Variants in KIF6 observed in about 807,000 individuals in gnomAD.
The protein encoded by KIF6 is kinesin-like protein KIF6.
Under a neutral mutation model 112.7 loss-of-function variants are expected in KIF6, and 106 were observed. That is an observed-to-expected ratio of 0.94 (90% CI 0.80 to 1.11). KIF6 has a LOEUF of 1.11. Ranked by LOEUF, KIF6 falls within the 50% of genes least tolerant of loss-of-function variation. The probability of loss-of-function intolerance (pLI) is 0.00; values close to 1 mark genes in which losing one functional copy is unlikely to be tolerated. For missense variants in KIF6, 929 were observed against 964.0 expected, an observed-to-expected ratio of 0.96 and a Z score of 0.48; for synonymous variants, 339 against 339.9, an observed-to-expected ratio of 1.00 and a Z score of 0.03.
intron 15 of KIF6, 117 bp downstream of exon 15, chr6:39,419,831 G>A (rs2150364140): frequency 1.2e-6 from 1 of 868,502 alleles, no homozygotes; most frequent in East Asian, 2.4e-5. Context: ...TTCCTTGGCA[G>A]GGGCTCTCCT....
At chr6:39,455,002 C>A (rs1186834084) in intron 13 of KIF6, among the ~76,000 whole-genome samples, 1 of 150,424 alleles carries the variant, frequency 6.6e-6, no homozygotes, top group Non-Finnish European at 1.5e-5. Flanking sequence ...GAAGCTCGAA[C>A]TGGGTGGAGC....
chr6:39,437,491 C>T (rs1024532236), intron 13 of KIF6, among the ~76,000 whole-genome samples: 5 of 152,172 alleles, frequency 3.3e-5, no homozygotes, highest in African/African-American at 1.2e-4. Context: ...GCTTTAGATG[C>T]TTAACGTCTT....
chr6:39,412,510 C>T lies in KIF6; in HGVS notation c.1810+7438G>A, dbSNP rs535370224. Among the ~76,000 whole-genome samples, 8 of 152,290 alleles carry T rather than the reference C, an allele frequency of 5.3e-5. No individual in the cohort carries two copies. The East Asian group carries it at 1.2e-3, about 22-fold the overall frequency. On this transcript the variant is annotated intron_variant, in intron 15 of 22. Coordinates refer to ENST00000287152, the MANE Select transcript of KIF6 (RefSeq NM_145027.6). ...TCAATACAATTGCAAATTATTTCTT[C>T]CTTTTTGGAGTCTCTTTAAAGCTGA...
intron 10 of KIF6, among the ~76,000 whole-genome samples, chr6:39,553,227 CT>C (rs1561803874): frequency 6.6e-6 from 1 of 152,096 alleles, no homozygotes; most frequent in African/African-American, 2.4e-5. Flanking sequence ...GGAATGAGCT[CT>C]TTTTTTAAAT....
At chr6:39,442,127 G>A (rs1213494729) in intron 13 of KIF6, among the ~76,000 whole-genome samples, 2 of 152,144 alleles carry the variant, frequency 1.3e-5, no homozygotes, top group East Asian at 3.9e-4. Flanking sequence ...CAGACCACGC[G>A]GGCTGGGTGG....
chr6:39,569,392 G>A (rs1294662322), intron 10 of KIF6, among the ~76,000 whole-genome samples: 1 of 152,014 alleles, frequency 6.6e-6, no homozygotes, highest in East Asian at 1.9e-4. Flanking sequence ...TCATTGGGAT[G>A]GTATATATCA....
chr6:39,587,176 G>C (rs1304316580), intron 7 of KIF6, among the ~76,000 whole-genome samples: 1 of 152,160 alleles, frequency 6.6e-6, no homozygotes, highest in Non-Finnish European at 1.5e-5. Flanking sequence ...CCGAAAGGAG[G>C]CACCTGGGGC....
At chr6:39,472,646 A>T (rs1774185270) in intron 13 of KIF6, among the ~76,000 whole-genome samples, 1 of 152,076 alleles carries the variant, frequency 6.6e-6, no homozygotes, top group Non-Finnish European at 1.5e-5. Context: ...GTGATACTCT[A>T]GTTTTGTTTT....
chr6:39,472,041 C>T (rs1774145468), intron 13 of KIF6, among the ~76,000 whole-genome samples: 1 of 152,170 alleles, frequency 6.6e-6, no homozygotes, highest in Admixed American at 6.5e-5. Context: ...AGGAGCCACC[C>T]TTCCACTCCT....
intron 22 of KIF6, among the ~76,000 whole-genome samples, chr6:39,340,187 T>C (rs894661492): frequency 2.0e-5 from 3 of 152,254 alleles, no homozygotes; most frequent in Non-Finnish European, 2.9e-5. Flanking sequence ...TGGCTTCCTT[T>C]GTGGCCCCGT....
chr6:39,510,266 G>A (rs535548280), intron 13 of KIF6, among the ~76,000 whole-genome samples: 1 of 151,810 alleles, frequency 6.6e-6, no homozygotes, highest in Non-Finnish European at 1.5e-5. Context: ...CTCATTTTTT[G>A]TATTTTTAGT....
At chr6:39,530,163 A>G (rs1236420878) in intron 13 of KIF6, among the ~76,000 whole-genome samples, 1 of 152,196 alleles carries the variant, frequency 6.6e-6, no homozygotes, top group Non-Finnish European at 1.5e-5. Flanking sequence ...CTTTCTATAT[A>G]CACAGCAGGG....
chr6:39,610,437 A>T (rs1312252367), intron 6 of KIF6, among the ~76,000 whole-genome samples: 1 of 152,222 alleles, frequency 6.6e-6, no homozygotes, highest in African/African-American at 2.4e-5. Context: ...TGTTTTGCAA[A>T]TGTTTTCTGG....
intron 13 of KIF6, among the ~76,000 whole-genome samples, chr6:39,432,927 C>G (rs541131825): frequency 3.0e-4 from 45 of 152,178 alleles, no homozygotes; most frequent in African/African-American, 5.8e-4. Context: ...ATTGCTCCCC[C>G]CCGCAGGGGA....
chr6:39,563,349 ATACACATATATTTATCATCTATG>A (rs1402004373), intron 10 of KIF6, among the ~76,000 whole-genome samples: 2 of 152,224 alleles, frequency 1.3e-5, no homozygotes, highest in Non-Finnish European at 2.9e-5. Context: ...AAACACATAT[ATACACATATATTTATCATCTATG>A]TACATAGCAT....
In KIF6 at chr6:39,695,903, C is replaced by T. The variant is rs115925726; in HGVS notation, c.251+18789G>A. On this transcript the variant is annotated intron_variant, in intron 3 of 22. Transcript: ENST00000287152. ...AAAGACATGGAATCAACACAGGTGC[C>T]CATCAACGGTGGACTGGATAAAGAA... 1.9e-3 allele frequency among the ~76,000 whole-genome samples: 296 copies of T among 152,242 alleles called. 2 individuals carry two copies. Among genetic ancestry groups the T allele is most frequent in the Non-Finnish European group, 3.7e-3 (253 of 68,028 alleles).
At chr6:39,662,736 C>G (rs1380837065) in intron 3 of KIF6, among the ~76,000 whole-genome samples, 1 of 152,142 alleles carries the variant, frequency 6.6e-6, no homozygotes, top group Non-Finnish European at 1.5e-5. Context: ...TAATAAAATA[C>G]TCAAACTGAA....
At chr6:39,369,600 T>G (rs1279869038) in intron 16 of KIF6, among the ~76,000 whole-genome samples, 1 of 152,184 alleles carries the variant, frequency 6.6e-6, no homozygotes, top group African/African-American at 2.4e-5. Context: ...TGTCCAAGGT[T>G]GTCCCCCAGG....
chr6:39,396,832 C>T (rs1768308317), intron 15 of KIF6, among the ~76,000 whole-genome samples: 1 of 152,170 alleles, frequency 6.6e-6, no homozygotes, highest in Non-Finnish European at 1.5e-5. Context: ...GTGGGTGGCT[C>T]TGATTACAAA....
Sources: gnomAD v4.1 joint callset for allele counts (sites outside exome capture counted in the v4.1 genomes callset) on GRCh38, gnomAD v4.1.1 for gene constraint, MANE v1.5 for transcripts, NCBI Gene and HGNC (gene_info 2026-07-23, HGNC 2026-07-21) for gene names.